Variants in KCTD8 observed in about 807,000 individuals in gnomAD.
The protein encoded by KCTD8 is potassium channel tetramerization domain containing 8, also known as BTB/POZ domain-containing protein KCTD8.
KCTD8 carries 27 observed loss-of-function variants against 31.5 expected under a neutral mutation model. The ratio of observed to expected loss-of-function variants is 0.86; its 90% CI spans 0.63 to 1.18. The LOEUF is 1.18. KCTD8 is among the 50% of genes most tolerant of loss of function. KCTD8 has a pLI of 0.00. For synonymous variants in KCTD8, 290 were observed against 280.0 expected, an observed-to-expected ratio of 1.04 and a Z score of -0.36; for missense variants, 658 against 647.7, an observed-to-expected ratio of 1.02 and a Z score of -0.17.
chr4:44,274,927 T>A (rs901139610), intron 1 of KCTD8, among the ~76,000 whole-genome samples: 1 of 151,990 alleles, frequency 6.6e-6, no homozygotes, highest in Non-Finnish European at 1.5e-5. Context: ...TGCTGCTTTA[T>A]CATTCATGCT....
chr4:44,379,850 C>A (rs1720014963), intron 1 of KCTD8, among the ~76,000 whole-genome samples: 1 of 151,994 alleles, frequency 6.6e-6, no homozygotes, highest in African/African-American at 2.4e-5. Context: ...ATTACACAGA[C>A]CTGACTTATA....
At chr4:44,438,040 G>C (rs1429419100) in intron 1 of KCTD8, among the ~76,000 whole-genome samples, 1 of 151,998 alleles carries the variant, frequency 6.6e-6, no homozygotes, top group Non-Finnish European at 1.5e-5. Flanking sequence ...AAGTCACTTT[G>C]GAATCATATG....
At chr4:44,355,280 T>C (rs1395307830) in intron 1 of KCTD8, among the ~76,000 whole-genome samples, 1 of 152,172 alleles carries the variant, frequency 6.6e-6, no homozygotes, top group African/African-American at 2.4e-5. Context: ...TATCCTTCCC[T>C]TAATAATATA....
At chr4:44,415,141 T>C (rs181679421) in intron 1 of KCTD8, among the ~76,000 whole-genome samples, 2 of 152,192 alleles carry the variant, frequency 1.3e-5, no homozygotes, top group African/African-American at 2.4e-5. Context: ...ATTGTGTTCA[T>C]GTTCTAGGGA....
chr4:44,435,389 T>C lies in KCTD8; in HGVS notation c.961+12174A>G, dbSNP rs149002426. On this transcript the variant is annotated intron_variant, in intron 1 of 1. Coordinates refer to ENST00000360029, the MANE Select transcript of KCTD8 (RefSeq NM_198353.3). ...CTCATGCTCTTTATCACAACTACAA[T>C]TGTCTAACAATTTAACAGATATTCT... Among the ~76,000 whole-genome samples, 27 of 152,176 alleles carry C rather than the reference T, an allele frequency of 1.8e-4. No homozygotes were observed. In the East Asian group the frequency reaches 5.0e-3, roughly 28 times the overall value.
intron 1 of KCTD8, among the ~76,000 whole-genome samples, chr4:44,275,958 T>C (rs188715048): frequency 4.6e-5 from 7 of 152,128 alleles, no homozygotes; most frequent in Admixed American, 3.3e-4. Flanking sequence ...TTAGTAAAGG[T>C]CTGTATTAAA....
intron 1 of KCTD8, among the ~76,000 whole-genome samples, chr4:44,273,588 A>C (rs975029030): frequency 6.6e-6 from 1 of 151,938 alleles, no homozygotes; most frequent in Non-Finnish European, 1.5e-5. Flanking sequence ...CCTAAATTCA[A>C]AAGAAAAATT....
intron 1 of KCTD8, among the ~76,000 whole-genome samples, chr4:44,251,471 T>C (rs1715827960): frequency 6.6e-6 from 1 of 151,668 alleles, no homozygotes; most frequent in South Asian, 2.1e-4. Flanking sequence ...TCTCAACTTA[T>C]TTGTGTCTTT....
intron 1 of KCTD8, among the ~76,000 whole-genome samples, chr4:44,294,777 A>C (rs1717381745): frequency 6.6e-6 from 1 of 152,190 alleles, no homozygotes; most frequent in Admixed American, 6.6e-5. Flanking sequence ...AGTGAATATT[A>C]TGCAGAGCCC....
chr4:44,341,992 C>A (rs773113424), intron 1 of KCTD8, among the ~76,000 whole-genome samples: 34 of 152,144 alleles, frequency 2.2e-4, no homozygotes, highest in Non-Finnish European at 4.9e-4. Flanking sequence ...GCTCTGTTGG[C>A]AGGCAGGAAA....
intron 1 of KCTD8, among the ~76,000 whole-genome samples, chr4:44,269,704 A>G (rs1385049031): frequency 6.6e-6 from 1 of 152,050 alleles, no homozygotes; most frequent in Non-Finnish European, 1.5e-5. Flanking sequence ...GAAAAAAGCA[A>G]ACAACCCCAT....
intron 1 of KCTD8, among the ~76,000 whole-genome samples, chr4:44,224,175 C>G (rs2109349367): frequency 6.6e-6 from 1 of 152,262 alleles, no homozygotes; most frequent in Non-Finnish European, 1.5e-5. Flanking sequence ...CATCCAAGCT[C>G]ACAATTTTGA....
intron 1 of KCTD8, among the ~76,000 whole-genome samples, chr4:44,222,701 C>T (rs971343644): frequency 6.6e-6 from 1 of 152,184 alleles, no homozygotes. Context: ...TGGAACTATA[C>T]ACAGAGGAAA....
intron 1 of KCTD8, among the ~76,000 whole-genome samples, chr4:44,348,548 T>C (rs551132790): frequency 2.0e-5 from 3 of 152,180 alleles, no homozygotes. Flanking sequence ...ATAGTTAATA[T>C]ATGTGTGTCT....
At chr4:44,235,541 AT>A (rs1715254304) in intron 1 of KCTD8, among the ~76,000 whole-genome samples, 1 of 12,338 alleles carries the variant, frequency 8.1e-5, no homozygotes, top group African/African-American at 3.4e-4. Context: ...ATATATATAT[AT>A]ATATATATAT....
intron 1 of KCTD8, among the ~76,000 whole-genome samples, chr4:44,259,049 CAATT>C (rs974543982): frequency 6.6e-6 from 1 of 151,862 alleles, no homozygotes; most frequent in African/African-American, 2.4e-5. Context: ...ATAATTTCCA[CAATT>C]AATTAACTGG....
At chr4:44,368,691 G>T (rs996807984) in intron 1 of KCTD8, among the ~76,000 whole-genome samples, 1 of 152,122 alleles carries the variant, frequency 6.6e-6, no homozygotes, top group African/African-American at 2.4e-5. Flanking sequence ...TAAAAAGTAA[G>T]CCCAGAGACA....
chr4:44,447,752 G>A lies in KCTD8; in HGVS notation c.772C>T (p.Pro258Ser), dbSNP rs766167112. The A allele has an allele frequency of 3.1e-6, 5 of 1,611,944 alleles. No homozygotes were observed. The Admixed American group carries it at 5.0e-5, about 16-fold the overall frequency. ...GTGTACTTCTCCGGCTGCCGGTCGGGGTCGCGGCTCTCGTTGAGCGTGTCC... is the reference window on the plus strand; with the variant it reads ...GTGTACTTCTCCGGCTGCCGGTCGGAGTCGCGGCTCTCGTTGAGCGTGTCC... ...FGDTLNESRD[P>S]DRQPEKYTSR... The change falls in exon 1 of 2, where the codon CCC becomes TCC. Residue 258 changes from proline to serine, a missense_variant. Coordinates refer to ENST00000360029, the MANE Select transcript of KCTD8 (RefSeq NM_198353.3).
chr4:44,290,281 A>G (rs1717231146), intron 1 of KCTD8, among the ~76,000 whole-genome samples: 3 of 152,212 alleles, frequency 2.0e-5, no homozygotes, highest in Admixed American at 6.5e-5. Context: ...CTGATTATGT[A>G]TGCACCCAAC....
Sources: gnomAD v4.1 joint callset for allele counts (sites outside exome capture counted in the v4.1 genomes callset) on GRCh38, gnomAD v4.1.1 for gene constraint, MANE v1.5 for transcripts, NCBI Gene and HGNC (gene_info 2026-07-23, HGNC 2026-07-21) for gene names.